The following NF1 variants were observed in gnomAD, a reference collection of about 807,000 sequenced individuals.
NF1 encodes the protein neurofibromin.
NF1 carries 122 observed loss-of-function variants against 325.7 expected under a neutral mutation model. The ratio of observed to expected loss-of-function variants is 0.37; its 90% confidence interval spans 0.32 to 0.44. NF1 has a LOEUF of 0.44. Ranked by LOEUF, NF1 falls within the 20% of genes least tolerant of loss-of-function variation. The pLI, the probability that NF1 is intolerant of heterozygous loss-of-function variation, is 1.00. For synonymous variants in NF1, 1,091 were observed against 1,186.0 expected, an observed-to-expected ratio of 0.92 and a Z score of 1.65; for missense variants, 2,140 against 3,415.4, an observed-to-expected ratio of 0.63 and a Z score of 9.31.
intron 57 of NF1, among the ~76,000 whole-genome samples, chr17:31,369,887 GAAGT>G: frequency 6.6e-6 from 1 of 152,278 alleles, no homozygotes; most frequent in South Asian, 2.1e-4. Flanking sequence ...AAAATTCTTA[GAAGT>G]GAGAATTATG....
chr17:31,227,673 A>G, intron 20 of NF1, 67 bp downstream of exon 20: 1 of 1,382,624 alleles, frequency 7.2e-7, no homozygotes. Flanking sequence ...CACTTTGATA[A>G]TCTTTCAAGA....
In NF1 at chr17:31,295,349, T is replaced by C. The variant is rs995594665; in HGVS notation, c.4835+30010T>C. 3.7e-6 allele frequency: 6 copies of C among 1,614,058 alleles called. No individual in the cohort carries two copies. In the African/African-American group the frequency reaches 4.0e-5, roughly 11 times the overall value. On this transcript the variant is annotated intron_variant, in intron 36 of 57. Coordinates refer to ENST00000358273, the MANE Select transcript of NF1 (RefSeq NM_001042492.3). ...TTCTGGATAGGGCACAAAAGCCTTA[T>C]CAGTGCTAGTAAAGGTGGTGTCTTT...
intron 36 of NF1, among the ~76,000 whole-genome samples, chr17:31,267,845 C>T (rs1156452367): frequency 1.3e-5 from 2 of 152,104 alleles, no homozygotes; most frequent in African/African-American, 2.4e-5. Context: ...ATCTAGAGAC[C>T]CTAATCATTT....
At chr17:31,243,213 T>TGTGTGTGTGTGTGTGTGTGTGTGTGTG (rs57229549) in intron 29 of NF1, among the ~76,000 whole-genome samples, 41 of 150,944 alleles carry the variant, frequency 2.7e-4, no homozygotes, top group Non-Finnish European at 3.5e-4. Context: ...TGTGTGTGTG[T>TGTGTGTGTGTGTGTGTGTGTGTGTGTG]TGAGCTGCCT....
intron 27 of NF1, among the ~76,000 whole-genome samples, chr17:31,234,171 G>C (rs1168480787): frequency 6.6e-6 from 1 of 152,170 alleles, no homozygotes; most frequent in Non-Finnish European, 1.5e-5. Context: ...ATTGCTGTCT[G>C]TAGGCACAAT....
chr17:31,258,481 G>A lies in NF1; in HGVS notation c.4311G>A (p.Arg1437=), dbSNP rs1060503896. 6.2e-7 allele frequency: 1 copy of A among 1,613,690 alleles called. No homozygotes were observed. The highest frequency in any genetic ancestry group is 1.7e-5 in the Admixed American group (1 of 59,978). Reference sequence around the variant, plus strand: ...AAAAGCCACCACCTAGAATCGAAAGGGGCTTGAAGTTAATGTCAAAGGTGA... The same window carrying A: ...AAAAGCCACCACCTAGAATCGAAAGAGGCTTGAAGTTAATGTCAAAGGTGA... The part of the protein sequence containing the change: ...LDKKPPPRIE[R]GLKLMSKILQ... Residue 1437 remains arginine (R), a synonymous_variant, in exon 32 of 58, where the codon AGG becomes AGA. Transcript: ENST00000358273.
chr17:31,214,909 G>C (rs2066794159), intron 13 of NF1, among the ~76,000 whole-genome samples: 1 of 151,986 alleles, frequency 6.6e-6, no homozygotes, highest in African/African-American at 2.4e-5. Context: ...ATCCTGGTAT[G>C]GGGGATAGAA....
intron 36 of NF1, among the ~76,000 whole-genome samples, chr17:31,277,144 A>T (rs552759588): frequency 6.6e-6 from 1 of 152,290 alleles, no homozygotes; most frequent in African/African-American, 2.4e-5. Flanking sequence ...CTTTATCTTC[A>T]TGTTGAGTAG....
chr17:31,268,707 T>C (rs575865842), intron 36 of NF1, among the ~76,000 whole-genome samples: 93 of 152,064 alleles, frequency 6.1e-4, no homozygotes, highest in Non-Finnish European at 1.0e-3. Context: ...ATTTTTTTTG[T>C]TTTGTTTTTG....
chr17:31,280,227 AAAAG>A (rs1264156855), intron 36 of NF1, among the ~76,000 whole-genome samples: 1 of 149,358 alleles, frequency 6.7e-6, no homozygotes. Flanking sequence ...TTTTTTTTAA[AAAAG>A]AAAGAAATGT....
At chr17:31,097,539 C>T (rs1911855789) in intron 1 of NF1, among the ~76,000 whole-genome samples, 1 of 151,624 alleles carries the variant, frequency 6.6e-6, no homozygotes, top group Non-Finnish European at 1.5e-5. Context: ...CCTTCTGTCC[C>T]TAGCTTTAAA....
At position 31,375,336 on chromosome 17, in the gene NF1, G is replaced by T; in HGVS notation, c.*1181G>T. The T allele has an allele frequency of 4.3e-6, 1 of 230,210 alleles. No individual in the cohort carries two copies. Among genetic ancestry groups the T allele is most frequent in the East Asian group, 6.2e-5 (1 of 16,074 alleles). 14.3% of individuals were successfully genotyped at this position (230,210 alleles called of 1,614,324 possible). ...GAAAACATGTAGGTTATATATGCTA[G>T]AATTGCATTTAATCACTGTGAAAAG... On this transcript the variant is annotated 3_prime_UTR_variant, in exon 58 of 58. Transcript: ENST00000358273.
chr17:31,128,410 G>A (rs1460403534), intron 1 of NF1: 1 of 152,104 alleles, frequency 6.6e-6, no homozygotes, highest in Admixed American at 6.5e-5. Context: ...TGGTTGCTTT[G>A]TAGTGTCACT....
At chr17:31,291,005 GAAAT>G (rs35278712) in intron 36 of NF1, among the ~76,000 whole-genome samples, 42,343 of 149,040 alleles carry the variant, frequency 0.28, 6,238 homozygotes, top group East Asian at 0.42. Flanking sequence ...GACTCTGTAT[GAAAT>G]AAATAAATAA....
At chr17:31,183,583 G>A (rs2066177336) in intron 8 of NF1, 1 of 152,238 alleles carries the variant, frequency 6.6e-6, no homozygotes, top group South Asian at 2.1e-4. Context: ...CAAAATAGTA[G>A]GTTTGATGAT....
At chr17:31,158,227 T>C (rs1258344056) in intron 2 of NF1, among the ~76,000 whole-genome samples, 2 of 152,208 alleles carry the variant, frequency 1.3e-5, no homozygotes, top group African/African-American at 2.4e-5. Flanking sequence ...TTAAGAAAGT[T>C]GCTTACACAA....
rs527434364 is a variant in NF1 at position 31,269,026 on chromosome 17, A to C, written c.4835+3687A>C. Among the ~76,000 whole-genome samples, 7 of 151,506 alleles carry C rather than the reference A, an allele frequency of 4.6e-5. No homozygotes were observed. In the South Asian group the frequency reaches 6.3e-4, roughly 14 times the overall value. On this transcript the variant is annotated intron_variant, in intron 36 of 57. Transcript: ENST00000358273. ...TGGCCTAATTTTTTTTTTTAGTTGGACCTTAATGGTCTAATATTACTATTA... is the reference window on the plus strand; with the variant it reads ...TGGCCTAATTTTTTTTTTTAGTTGGCCCTTAATGGTCTAATATTACTATTA...
chr17:31,134,848 G>C (rs1237482236), intron 1 of NF1, among the ~76,000 whole-genome samples: 1 of 152,056 alleles, frequency 6.6e-6, no homozygotes, highest in Admixed American at 6.6e-5. Context: ...ATTCTTTCAT[G>C]ATCCTTAGAA....
At chr17:31,305,051 CT>C in intron 36 of NF1, 1 of 1,614,118 alleles carries the variant, frequency 6.2e-7, no homozygotes, top group Non-Finnish European at 8.5e-7. Flanking sequence ...CTGGTAGTAT[CT>C]AAGATAAATC....
Sources: gnomAD v4.1 joint callset for allele counts (sites outside exome capture counted in the v4.1 genomes callset) on GRCh38, gnomAD v4.1.1 for gene constraint, MANE v1.5 for transcripts, NCBI Gene and HGNC (gene_info 2026-07-23, HGNC 2026-07-21) for gene names.